Variants in EP400 observed in about 807,000 individuals in gnomAD.
EP400 encodes the protein E1A-binding protein p400.
EP400 carries 105 observed loss-of-function variants against 354.1 expected under a neutral mutation model. The observed-to-expected ratio is 0.30, with a 90% CI of 0.25 to 0.35. EP400 has a LOEUF of 0.35. Ranked by LOEUF, EP400 falls within the 10% of genes least tolerant of loss-of-function variation. The pLI is 1.00. For missense variants in EP400, 3,280 were observed against 4,121.0 expected (o/e 0.80, Z 5.59); for synonymous variants, 1,646 against 1,716.9 (o/e 0.96, Z 1.02).
Position 132,018,084 on chromosome 12 carries a change from G to C in EP400, c.4111-126G>C. 8.5e-7 allele frequency: 1 copy of C among 1,171,948 alleles called. No homozygotes were observed. Among genetic ancestry groups the C allele is most frequent in the Non-Finnish European group, 1.2e-6 (1 of 824,850 alleles). The allele number at this position is 1,171,948 out of a possible 1,614,324, so 72.6% of individuals were successfully genotyped here. A position where few individuals can be genotyped will look rare whatever the true frequency, so the allele number is the denominator to read the frequency against. On this transcript the variant is annotated intron_variant, in intron 20 of 52. Transcript: ENST00000389561. This position sits in a 1 kb window ranked among gnomAD's most constrained non-coding sequence, Gnocchi z 4.0. ...TGGCACGGAGGAGGGTCTGCTTGCC[G>C]AGTGGCCGTTAGAGGGGGCGCGTCT...
Position 132,043,718 on chromosome 12 carries a change from G to C in EP400, c.6440G>C (p.Arg2147Thr), listed in dbSNP as rs773499966. The C allele has an allele frequency of 6.2e-7, 1 of 1,605,966 alleles. No individual in the cohort carries two copies. The highest frequency in any genetic ancestry group is 8.5e-7 in the Non-Finnish European group (1 of 1,177,996). ...ACTTCTATTGAGCAAGAAAAGGAGAGAAACAGTGAGGTAAGAGAATCAACT... is the reference window on the plus strand; with the variant it reads ...ACTTCTATTGAGCAAGAAAAGGAGACAAACAGTGAGGTAAGAGAATCAACT... ...FHTSIEQEKE[R>T]NSEDAVMTAV... The change falls in exon 34 of 53, where the codon AGA becomes ACA. Residue 2147 changes from arginine (R) to threonine (T), a missense_variant. By Grantham distance (71) the Arg-to-Thr change is moderately conservative (BLOSUM62 -1). Transcript: ENST00000389561.
chr12:131,995,510 T>C (rs1371343054), intron 12 of EP400, among the ~76,000 whole-genome samples: 1 of 150,558 alleles, frequency 6.6e-6, no homozygotes, highest in African/African-American at 2.5e-5. Context: ...ACAGCTTGAC[T>C]GAATGTACCG....
chr12:132,055,754 ATG>A (rs373252803), intron 45 of EP400, among the ~76,000 whole-genome samples: 49 of 136,244 alleles, frequency 3.6e-4, no homozygotes, highest in African/African-American at 4.4e-4. Context: ...GTAGGAGGGT[ATG>A]TGTGTGTGTG....
chr12:132,021,410 T>C, intron 23 of EP400, 89 bp downstream of exon 23: 1 of 1,416,402 alleles, frequency 7.1e-7, no homozygotes, highest in Non-Finnish European at 9.2e-7. Context: ...GGAGCCTTGC[T>C]GTCCACTCCT....
intron 1 of EP400, among the ~76,000 whole-genome samples, chr12:131,958,877 A>G (rs1891787750): frequency 6.6e-6 from 1 of 152,202 alleles, no homozygotes; most frequent in Non-Finnish European, 1.5e-5. Context: ...ATTTTCTCAC[A>G]GAGATAAGCA....
At chr12:132,069,304 G>T (rs1895998267) in intron 50 of EP400, 191 bp from the exon 51 acceptor site, 1 of 745,110 alleles carries the variant, frequency 1.3e-6, no homozygotes, top group African/African-American at 1.8e-5. Context: ...ATGCCGCATG[G>T]GCAGAGGTAG....
intron 30 of EP400, among the ~76,000 whole-genome samples, chr12:132,032,414 G>C (rs1201624846): frequency 6.6e-6 from 1 of 152,120 alleles, no homozygotes; most frequent in Non-Finnish European, 1.5e-5. Flanking sequence ...CTCAACATTT[G>C]CTTGAAATTG....
chr12:132,066,590 G>T (rs911424789), intron 48 of EP400, 184 bp from the exon 49 acceptor site: 3 of 619,336 alleles, frequency 4.8e-6, no homozygotes, highest in African/African-American at 3.9e-5. Flanking sequence ...AGCGCGGGCT[G>T]ACCTGTGACT....
At chr12:131,997,087 A>G (rs904191101) in intron 12 of EP400, among the ~76,000 whole-genome samples, 1 of 152,082 alleles carries the variant, frequency 6.6e-6, no homozygotes, top group South Asian at 2.1e-4. Flanking sequence ...TGGTTTTGTT[A>G]TACAGTTGAC....
rs148116655 is a variant in EP400 at position 132,037,115 on chromosome 12, G to T, written c.5952-567G>T. 2.5e-3 allele frequency among the ~76,000 whole-genome samples: 380 copies of T among 152,340 alleles called. 4 individuals are homozygous for T. The highest frequency in any genetic ancestry group is 0.014 in the Admixed American group (209 of 15,300). ...CTGCATGGTCTGTTCTGTGTCCCCAGTGATGGAATCTTGAGGAAGCCTTGT... is the reference window on the plus strand; with the variant it reads ...CTGCATGGTCTGTTCTGTGTCCCCATTGATGGAATCTTGAGGAAGCCTTGT... On this transcript the variant is annotated intron_variant, in intron 30 of 52. Transcript: ENST00000389561.
intron 2 of EP400, among the ~76,000 whole-genome samples, chr12:131,969,061 G>GTTT (rs1892201668): frequency 7.0e-6 from 1 of 143,490 alleles, no homozygotes; most frequent in Admixed American, 7.0e-5. Context: ...TTTTTTTATC[G>GTTT]TATTGGCAAG....
At chr12:132,076,467 G>T in intron 51 of EP400, 49 bp from the exon 52 acceptor site, 3 of 1,573,496 alleles carry the variant, frequency 1.9e-6, no homozygotes, top group East Asian at 2.2e-5. Flanking sequence ...CTCTTTTTGT[G>T]CACATACTCC....
In EP400 at chr12:132,054,963, T is replaced by G; in HGVS notation, c.7729-11T>G. The stretch of plus-strand genomic sequence containing the variant: ...ACGTGAAATTCAAATGGATTTTTTT[T>G]TTTTAAATAGGCAGGAACCATTAAA... On this transcript the variant is annotated splice_polypyrimidine_tract_variant and intron_variant, in intron 43 of 52. Coordinates refer to ENST00000389561, the MANE Select transcript of EP400 (RefSeq NM_015409.5). The surrounding 1 kb of genome is among the most constrained non-coding windows in gnomAD (Gnocchi z 4.0). The G allele has an allele frequency of 6.2e-7, 1 of 1,613,798 alleles. No individual in the cohort carries two copies. Among genetic ancestry groups the G allele is most frequent in the Non-Finnish European group, 8.5e-7 (1 of 1,179,826 alleles).
intron 5 of EP400, among the ~76,000 whole-genome samples, chr12:131,983,824 C>T (rs1431034857): frequency 4.6e-5 from 7 of 152,104 alleles, no homozygotes; most frequent in African/African-American, 1.7e-4. Context: ...GGACTACAGG[C>T]GCACACCACT....
At chr12:132,031,745 C>T (rs1284614982) in intron 29 of EP400, among the ~76,000 whole-genome samples, 39 of 151,956 alleles carry the variant, frequency 2.6e-4, no homozygotes, top group Non-Finnish European at 2.4e-4. Context: ...TTAGTAGAGA[C>T]GGGGTTTCGC....
intron 15 of EP400, among the ~76,000 whole-genome samples, chr12:132,008,950 G>A (rs1223861746): frequency 8.6e-6 from 1 of 116,392 alleles, no homozygotes. Flanking sequence ...TTTAGGAGCT[G>A]TTGCCCAGGT....
Position 132,062,106 on chromosome 12 carries a change from C to G in EP400, c.7885-4C>G. 6.2e-7 allele frequency: 1 copy of G among 1,611,122 alleles called. No individual in the cohort carries two copies. The highest frequency in any genetic ancestry group is 1.3e-5 in the African/African-American group (1 of 75,014). On this transcript the variant is annotated splice_polypyrimidine_tract_variant and splice_region_variant and intron_variant, in intron 45 of 52. Coordinates refer to ENST00000389561, the MANE Select transcript of EP400 (RefSeq NM_015409.5). ...TGATGAGGTCCTCTGTTTGCCTTTTCTAGACGCCGGGAGGCTCTGCTCCCG... is the reference window on the plus strand; with the variant it reads ...TGATGAGGTCCTCTGTTTGCCTTTTGTAGACGCCGGGAGGCTCTGCTCCCG...
At chr12:132,034,766 C>T (rs1234120145) in intron 30 of EP400, among the ~76,000 whole-genome samples, 2 of 152,194 alleles carry the variant, frequency 1.3e-5, no homozygotes, top group African/African-American at 4.8e-5. Flanking sequence ...GCTCCCACGC[C>T]TGACCATGGC....
In EP400 at chr12:132,027,338, T is replaced by G. The variant is rs753867258; in HGVS notation, c.5015-99T>G. 1.7e-4 allele frequency: 198 copies of G among 1,157,650 alleles called. No homozygotes were observed. Among genetic ancestry groups the G allele is most frequent in the Non-Finnish European group, 2.4e-4 (187 of 777,184 alleles). 71.7% of individuals were successfully genotyped at this position (1,157,650 alleles called of 1,614,324 possible). On this transcript the variant is annotated intron_variant, in intron 25 of 52. Coordinates refer to ENST00000389561, the MANE Select transcript of EP400 (RefSeq NM_015409.5). This position sits in a 1 kb window ranked among gnomAD's most constrained non-coding sequence, Gnocchi z 4.9. Reference sequence around the variant, plus strand: ...CGTTGCAGAATGACTTTCTGTGGAGTGTGCTGGTGGAGGGTGAGGTTCCAT... The same window carrying G: ...CGTTGCAGAATGACTTTCTGTGGAGGGTGCTGGTGGAGGGTGAGGTTCCAT...
Sources: gnomAD v4.1 joint callset for allele counts (sites outside exome capture counted in the v4.1 genomes callset) on GRCh38, gnomAD v4.1.1 for gene constraint, Gnocchi (gnomAD v3.1) non-coding constraint, MANE v1.5 for transcripts, NCBI Gene and HGNC (gene_info 2026-07-23, HGNC 2026-07-21) for gene names.